The following NBEA variants were observed in gnomAD, a reference collection of about 807,000 sequenced individuals.
The protein encoded by NBEA is lysosomal-trafficking regulator 2.
In NBEA, 44 loss-of-function variants were observed where a neutral mutation model predicts 343.4. The ratio of observed to expected loss-of-function variants is 0.13; its 90% CI spans 0.10 to 0.16. The LOEUF (loss-of-function observed/expected upper bound fraction) is 0.16. NBEA is among the 10% of genes least tolerant of loss of function. The pLI, the probability that NBEA is intolerant of heterozygous loss-of-function variation, is 1.00. For missense variants in NBEA, 2,555 were observed against 3,631.3 expected (o/e 0.70, Z 7.62); for synonymous variants, 1,175 against 1,238.7 (o/e 0.95, Z 1.08).
chr13:35,561,707 C>T, intron 44 of NBEA, among the ~76,000 whole-genome samples: 1 of 152,092 alleles, frequency 6.6e-6, no homozygotes, highest in Non-Finnish European at 1.5e-5. Context: ...AGTATTAATG[C>T]ATTATGCAGA....
At chr13:35,562,566 T>C (rs2079908807) in intron 44 of NBEA, among the ~76,000 whole-genome samples, 1 of 152,046 alleles carries the variant, frequency 6.6e-6, no homozygotes, top group East Asian at 1.9e-4. Flanking sequence ...TTCTCCTGTT[T>C]AGCATTTTCC....
chr13:35,323,006 T>C (rs776295749), intron 36 of NBEA, among the ~76,000 whole-genome samples: 25 of 152,148 alleles, frequency 1.6e-4, no homozygotes, highest in Non-Finnish European at 2.8e-4. Flanking sequence ...CGAGCCACCA[T>C]GCCCAGCTGC....
chr13:35,612,630 G>A (rs1326648666), intron 48 of NBEA, among the ~76,000 whole-genome samples: 3 of 152,124 alleles, frequency 2.0e-5, no homozygotes, highest in Non-Finnish European at 4.4e-5. Flanking sequence ...GTGCCTAAAT[G>A]AAATAGAAAA....
At chr13:35,199,504 T>C (rs1421133533) in intron 31 of NBEA, among the ~76,000 whole-genome samples, 1 of 152,192 alleles carries the variant, frequency 6.6e-6, no homozygotes, top group African/African-American at 2.4e-5. Context: ...ACACTCCTAA[T>C]AATATTGTAC....
In NBEA at chr13:35,050,408, A is replaced by G. The variant is rs1172309309; in HGVS notation, c.972+13A>G. On this transcript the variant is annotated intron_variant, in intron 6 of 58. Transcript: ENST00000379939. ...TCAACCACGCAAGGTAGGTAAAAGT[A>G]AATATTTTTATAACTCACCTGTTAT... 6.2e-7 allele frequency: 1 copy of G among 1,603,408 alleles called. No homozygotes were observed. The highest frequency in any genetic ancestry group is 8.5e-7 in the Non-Finnish European group (1 of 1,174,644).
At chr13:35,346,402 T>C (rs1038935619) in intron 36 of NBEA, among the ~76,000 whole-genome samples, 1 of 152,158 alleles carries the variant, frequency 6.6e-6, no homozygotes, top group Non-Finnish European at 1.5e-5. Context: ...GATAATATGA[T>C]CAAAAGTTAA....
At chr13:35,252,498 C>T (rs540741549) in intron 34 of NBEA, among the ~76,000 whole-genome samples, 2 of 152,280 alleles carry the variant, frequency 1.3e-5, no homozygotes, top group East Asian at 3.9e-4. Context: ...GGAGCTCTGG[C>T]CTAGGCACTG....
At chr13:35,540,198 A>T (rs2078757096) in intron 41 of NBEA, among the ~76,000 whole-genome samples, 5 of 152,006 alleles carry the variant, frequency 3.3e-5, no homozygotes, top group Admixed American at 3.3e-4. Flanking sequence ...TAGTTAAAAC[A>T]AAAACCTCTA....
intron 41 of NBEA, among the ~76,000 whole-genome samples, chr13:35,508,852 G>A (rs2077167597): frequency 6.6e-6 from 1 of 152,202 alleles, no homozygotes; most frequent in Admixed American, 6.5e-5. Context: ...GGTGGTAACT[G>A]AAGTCACAGA....
intron 35 of NBEA, among the ~76,000 whole-genome samples, chr13:35,297,729 A>G (rs2036229230): frequency 3.3e-5 from 5 of 152,022 alleles, no homozygotes; most frequent in Admixed American, 2.0e-4. Context: ...CTCCTAGTAT[A>G]AATATCCAGC....
intron 38 of NBEA, among the ~76,000 whole-genome samples, chr13:35,403,602 A>T (rs924419066): frequency 1.3e-5 from 2 of 152,136 alleles, no homozygotes; most frequent in African/African-American, 4.8e-5. Context: ...ACAAAAATTA[A>T]TTCAAGATGG....
intron 27 of NBEA, among the ~76,000 whole-genome samples, chr13:35,174,635 T>C (rs2070734226): frequency 6.6e-6 from 1 of 152,130 alleles, no homozygotes; most frequent in East Asian, 1.9e-4. Context: ...GACTATATAT[T>C]ATTTACTGCT....
chr13:34,985,954 C>G (rs183968291), intron 1 of NBEA, among the ~76,000 whole-genome samples: 2 of 150,728 alleles, frequency 1.3e-5, no homozygotes, highest in East Asian at 1.9e-4. Flanking sequence ...TGCTAGCAGT[C>G]TATCAATTTT....
intron 1 of NBEA, among the ~76,000 whole-genome samples, chr13:35,035,560 C>T (rs1566191312): frequency 6.6e-6 from 1 of 151,838 alleles, no homozygotes. Flanking sequence ...TCTGATGTTT[C>T]TTTGTTTATT....
At chr13:34,990,047 C>T (rs1012014050) in intron 1 of NBEA, among the ~76,000 whole-genome samples, 5 of 151,172 alleles carry the variant, frequency 3.3e-5, no homozygotes, top group Admixed American at 1.3e-4. Flanking sequence ...GCTCCCAAGA[C>T]GTTGGGCATT....
At chr13:35,487,341 G>A (rs2076339388) in intron 41 of NBEA, among the ~76,000 whole-genome samples, 1 of 151,864 alleles carries the variant, frequency 6.6e-6, no homozygotes, top group African/African-American at 2.4e-5. Flanking sequence ...CAGTACTTAT[G>A]CTCAATTTGT....
chr13:35,154,657 T>A (rs1258413320), intron 18 of NBEA, among the ~76,000 whole-genome samples: 1 of 152,182 alleles, frequency 6.6e-6, no homozygotes, highest in Non-Finnish European at 1.5e-5. Flanking sequence ...ACAGTGAAGA[T>A]GATGTTCAAA....
intron 13 of NBEA, among the ~76,000 whole-genome samples, chr13:35,115,966 A>G (rs1342836349): frequency 1.3e-5 from 2 of 152,176 alleles, no homozygotes; most frequent in Non-Finnish European, 2.9e-5. Flanking sequence ...TAGAAGAATA[A>G]GGAAATTATT....
chr13:34,983,213 G>T (rs190019790), intron 1 of NBEA, among the ~76,000 whole-genome samples: 1 of 151,916 alleles, frequency 6.6e-6, no homozygotes, highest in East Asian at 1.9e-4. Flanking sequence ...GATGTTCCCC[G>T]CCCTGTGTCC....
Sources: allele counts gnomAD v4.1 joint callset (sites outside exome capture counted in the v4.1 genomes callset), GRCh38; gene constraint gnomAD v4.1.1; transcripts MANE v1.5; gene names NCBI Gene and HGNC (gene_info 2026-07-23, HGNC 2026-07-21).